Variants in PCDHGB7 observed in about 807,000 individuals in gnomAD.
The protein encoded by PCDHGB7 is protocadherin gamma subfamily B, 7.
In PCDHGB7, 37 loss-of-function variants were observed where a neutral mutation model predicts 61.4. That is an observed-to-expected ratio of 0.60 (90% CI 0.46 to 0.79). The LOEUF is 0.79. Ranked by LOEUF, PCDHGB7 falls within the 30% of genes least tolerant of loss-of-function variation. The pLI, the probability that PCDHGB7 is intolerant of heterozygous loss-of-function variation, is 0.00. For missense variants in PCDHGB7, 1,166 were observed against 1,202.5 expected, an observed-to-expected ratio of 0.97 and a Z score of 0.45; for synonymous variants, 464 against 503.5, an observed-to-expected ratio of 0.92 and a Z score of 1.05.
chr5:141,492,360 G>A (rs2099739696), intron 1 of PCDHGB7, among the ~76,000 whole-genome samples: 1 of 152,190 alleles, frequency 6.6e-6, no homozygotes, highest in African/African-American at 2.4e-5. Context: ...CCACTCGCTC[G>A]CGGCCAGATT....
chr5:141,480,077 C>T (rs767048249), intron 1 of PCDHGB7, among the ~76,000 whole-genome samples: 2 of 152,142 alleles, frequency 1.3e-5, no homozygotes, highest in Non-Finnish European at 2.9e-5. Flanking sequence ...AAGATTCATG[C>T]ATGATATAAT....
At chr5:141,498,419 G>A (rs78940285) in intron 2 of PCDHGB7, among the ~76,000 whole-genome samples, 4,023 of 152,260 alleles carry the variant, frequency 0.026, 75 homozygotes, top group Non-Finnish European at 0.043. Flanking sequence ...TGCTGGCACT[G>A]GAGTGAGGGG....
Position 141,431,975 on chromosome 5 carries a change from A to G in PCDHGB7, c.2415+11701A>G. 1 of 1,614,218 alleles carries G rather than the reference A, an allele frequency of 6.2e-7. No individual in the cohort carries two copies. Among genetic ancestry groups the G allele is most frequent in the Non-Finnish European group, 8.5e-7 (1 of 1,180,022 alleles). ...TTACGGAAATTACTATAGTTTAGTC[A>G]CAGACATAGTCTTGGATAGGGAACA... On this transcript the variant is annotated intron_variant, in intron 1 of 3. Transcript: ENST00000398594. The surrounding 1 kb of genome is among the most constrained non-coding windows in gnomAD (Gnocchi z 4.8).
At chr5:141,438,633 TATACACACAC>T (rs1369232099) in intron 1 of PCDHGB7, among the ~76,000 whole-genome samples, 454 of 33,892 alleles carry the variant, frequency 0.013, 1 homozygote, top group Non-Finnish European at 0.019. Flanking sequence ...TATATATATA[TATACACACAC>T]ACACACACAT....
rs752463782 is a variant in PCDHGB7 at position 141,417,977 on chromosome 5, G to A, written c.118G>A (p.Glu40Lys). Residue 40 changes from glutamate (E) to lysine (K), a missense_variant, in exon 1 of 4, where the codon GAG becomes AAG. Coordinates refer to ENST00000398594, the MANE Select transcript of PCDHGB7 (RefSeq NM_018927.4). ...CEPIRYSIPE[E>K]LAKGSVVGNL... ...GCCGATCCGCTACTCGATTCCGGAG[G>A]AGCTGGCCAAGGGCTCGGTGGTGGG... 1 of 1,613,872 alleles carries A rather than the reference G, an allele frequency of 6.2e-7. No individual in the cohort carries two copies. The highest frequency in any genetic ancestry group is 1.7e-5 in the Admixed American group (1 of 60,022).
intron 1 of PCDHGB7, among the ~76,000 whole-genome samples, chr5:141,449,345 T>C (rs2154562594): frequency 1.3e-5 from 2 of 151,644 alleles, no homozygotes; most frequent in South Asian, 4.2e-4. Context: ...AGTGGCTCAC[T>C]CCTGTAATCC....
chr5:141,469,404 G>A (rs1439441297), intron 1 of PCDHGB7, among the ~76,000 whole-genome samples: 7 of 151,874 alleles, frequency 4.6e-5, no homozygotes, highest in African/African-American at 1.5e-4. Flanking sequence ...GTGAAACCCC[G>A]TTTCTACTAA....
At chr5:141,444,672 A>G (rs990955921) in intron 1 of PCDHGB7, among the ~76,000 whole-genome samples, 2 of 152,086 alleles carry the variant, frequency 1.3e-5, no homozygotes, top group Non-Finnish European at 2.9e-5. Flanking sequence ...ATTTTTTTCA[A>G]TACCATTTAT....
chr5:141,419,505 G>A lies in PCDHGB7; in HGVS notation c.1646G>A (p.Arg549His), dbSNP rs115850576. The A allele has an allele frequency of 8.4e-4, 1,351 of 1,612,324 alleles. 13 individuals are homozygous for A. In the African/African-American group the frequency reaches 0.015, roughly 18 times the overall value. The stretch of plus-strand genomic sequence containing the variant: ...GCGCTCAGCGCCAATGTGAGCCTGC[G>A]CGTGTTGGTGGGCGACCGTAACGAC... The part of the protein sequence containing the change: ...SPALSANVSL[R>H]VLVGDRNDNA... Residue 549 changes from arginine (R) to histidine (H), a missense_variant, in exon 1 of 4, where the codon CGC (arginine) becomes CAC (histidine). Physicochemically the swap from Arg to His is conservative, Grantham distance 29 (BLOSUM62 0). Transcript: ENST00000398594.
In PCDHGB7 at chr5:141,418,992, A is replaced by G. The variant is rs554523363; in HGVS notation, c.1133A>G (p.Glu378Gly). 28 of 1,613,802 alleles carry G rather than the reference A, an allele frequency of 1.7e-5. No individual in the cohort carries two copies. The African/African-American group carries it at 2.7e-4, about 15-fold the overall frequency. Residue 378 changes from glutamate to glycine, a missense_variant, in exon 1 of 4, where the codon GAA becomes GGA. Glu to Gly is a moderately conservative substitution (Grantham distance 98, BLOSUM62 -2). Coordinates refer to ENST00000398594, the MANE Select transcript of PCDHGB7 (RefSeq NM_018927.4). ...LFKTRDQDSGENGEVRCSLSR... is the reference protein window; with the variant it reads ...LFKTRDQDSGGNGEVRCSLSR... Reference sequence around the variant, plus strand: ...AAAACACGGGACCAAGACTCAGGGGAAAATGGGGAAGTCAGGTGTAGCTTA... The same window carrying G: ...AAAACACGGGACCAAGACTCAGGGGGAAATGGGGAAGTCAGGTGTAGCTTA...
intron 1 of PCDHGB7, among the ~76,000 whole-genome samples, chr5:141,435,833 A>G (rs1354866725): frequency 6.6e-6 from 1 of 152,112 alleles, no homozygotes; most frequent in Non-Finnish European, 1.5e-5. Flanking sequence ...TTTGCTGCCT[A>G]TCTACTTTGA....
intron 1 of PCDHGB7, among the ~76,000 whole-genome samples, chr5:141,463,239 C>G (rs1012919667): frequency 1.3e-5 from 2 of 151,950 alleles, no homozygotes; most frequent in African/African-American, 4.8e-5. Context: ...CTTTGTGTAG[C>G]TCCATTCTCT....
At position 141,418,517 on chromosome 5, in the gene PCDHGB7, C is replaced by G; in HGVS notation, c.658C>G (p.Pro220Ala). 6.2e-7 allele frequency: 1 copy of G among 1,613,918 alleles called. No homozygotes were observed. Residue 220 changes from proline (P) to alanine (A), a missense_variant, in exon 1 of 4, where the codon CCT (proline) becomes GCT (alanine). By Grantham distance (27) the Pro-to-Ala change is conservative (BLOSUM62 -1). Coordinates refer to ENST00000398594, the MANE Select transcript of PCDHGB7 (RefSeq NM_018927.4). The part of the protein sequence containing the change: ...LVLTALDGGD[P>A]PRSGTAQIRI... ...ACTGACCGCCTTAGATGGTGGGGACCCTCCCCGAAGCGGTACTGCTCAGAT... is the reference window on the plus strand; with the variant it reads ...ACTGACCGCCTTAGATGGTGGGGACGCTCCCCGAAGCGGTACTGCTCAGAT...
chr5:141,477,438 C>A lies in PCDHGB7; in HGVS notation c.2416-17369C>A, dbSNP rs1386997844. The A allele has an allele frequency of 3.1e-6, 5 of 1,614,174 alleles. No individual in the cohort carries two copies. The Admixed American group carries it at 6.7e-5, about 22-fold the overall frequency. On this transcript the variant is annotated intron_variant, in intron 1 of 3. Coordinates refer to ENST00000398594, the MANE Select transcript of PCDHGB7 (RefSeq NM_018927.4). The surrounding 1 kb of genome is among the most constrained non-coding windows in gnomAD (Gnocchi z 4.9). ...GGAACCCCTTCCCTCTCAGCCCTTA[C>A]AATAGTGCGTGTTCAAGTGTCCGAC...
intron 1 of PCDHGB7, among the ~76,000 whole-genome samples, chr5:141,461,838 T>G (rs1592748714): frequency 6.6e-6 from 1 of 151,980 alleles, no homozygotes; most frequent in African/African-American, 2.4e-5. Context: ...TTCTTTTTTT[T>G]TTGAGACAGA....
chr5:141,510,894 A>G, intron 3 of PCDHGB7, 53 bp from the exon 4 acceptor site: 2 of 1,612,850 alleles, frequency 1.2e-6, no homozygotes, highest in Non-Finnish European at 8.5e-7. Flanking sequence ...TAAGACAGTG[A>G]CTGTTGAGGA....
Position 141,485,831 on chromosome 5 carries a change from C to T in PCDHGB7, c.2416-8976C>T. 1 of 1,614,080 alleles carries T rather than the reference C, an allele frequency of 6.2e-7. No individual in the cohort carries two copies. The highest frequency in any genetic ancestry group is 8.5e-7 in the Non-Finnish European group (1 of 1,180,026). ...GCTGACTGCTGTCGATGGAGGGAAC[C>T]CGCCGAGATCTGGCACCGCAGAGCT... On this transcript the variant is annotated intron_variant, in intron 1 of 3. Coordinates refer to ENST00000398594, the MANE Select transcript of PCDHGB7 (RefSeq NM_018927.4). This position sits in a 1 kb window ranked among gnomAD's most constrained non-coding sequence, Gnocchi z 5.7.
In PCDHGB7 at chr5:141,476,702, C is replaced by A. The variant is rs751321222; in HGVS notation, c.2416-18105C>A. 1.4e-5 allele frequency: 23 copies of A among 1,614,104 alleles called. No individual in the cohort carries two copies. Among genetic ancestry groups the A allele is most frequent in the Non-Finnish European group, 1.7e-5 (20 of 1,180,050 alleles). ...GGAGGACAGCACCAAGTACGCGGAG[C>A]TGGTGTTGGAGCGCGCCCTGGACCG... is the stretch of plus-strand genomic sequence containing the variant. On this transcript the variant is annotated intron_variant, in intron 1 of 3. Coordinates refer to ENST00000398594, the MANE Select transcript of PCDHGB7 (RefSeq NM_018927.4). The surrounding 1 kb of genome is among the most constrained non-coding windows in gnomAD (Gnocchi z 7.6).
intron 2 of PCDHGB7, among the ~76,000 whole-genome samples, chr5:141,500,138 ACTTTT>A: frequency 6.6e-6 from 1 of 150,560 alleles, no homozygotes; most frequent in Middle Eastern, 3.2e-3. Flanking sequence ...ATCTTTCTAA[ACTTTT>A]CTTTGTGTAA....
Sources: gnomAD v4.1 joint callset for allele counts (sites outside exome capture counted in the v4.1 genomes callset) on GRCh38, gnomAD v4.1.1 for gene constraint, Gnocchi (gnomAD v3.1) non-coding constraint, MANE v1.5 for transcripts, NCBI Gene and HGNC (gene_info 2026-07-23, HGNC 2026-07-21) for gene names.